The following SNED1 variants were observed in gnomAD, a reference collection of about 807,000 sequenced individuals.
SNED1 encodes the protein sushi, nidogen and EGF like domains 1.
A neutral mutation model predicts 166.7 loss-of-function variants in SNED1; 81 were observed. The observed-to-expected ratio is 0.49, with a 90% CI of 0.41 to 0.58. The LOEUF (loss-of-function observed/expected upper bound fraction) is 0.58, where lower values mean the gene tolerates loss of function less well. Ranked by LOEUF, SNED1 falls within the 20% of genes least tolerant of loss-of-function variation. The pLI is 0.00. For missense variants in SNED1, 1,604 were observed against 2,000.2 expected, an observed-to-expected ratio of 0.80 and a Z score of 3.78; for synonymous variants, 762 against 822.0, an observed-to-expected ratio of 0.93 and a Z score of 1.25.
In SNED1 at chr2:241,036,871, C is replaced by G. The variant is rs772334071; in HGVS notation, c.887C>G (p.Thr296Ser). The G allele has an allele frequency of 1.2e-6, 2 of 1,611,886 alleles. No individual in the cohort carries two copies. Among genetic ancestry groups the G allele is most frequent in the East Asian group, 4.5e-5 (2 of 44,846 alleles). The change falls in exon 5 of 32, where the codon ACC (threonine) becomes AGC (serine). Residue 296 changes from threonine to serine, a missense_variant. Physicochemically the swap from Thr to Ser is moderately conservative, Grantham distance 58. Coordinates refer to ENST00000310397, the MANE Select transcript of SNED1 (RefSeq NM_001080437.3). The part of the protein sequence containing the change: ...DDCVTGNPSY[T>S]CSCLSGFTGR... ...TGCGTCACGGGCAACCCCTCCTACA[C>G]CTGCTCCTGCCTCTCGGGCTTCACG...
Position 240,999,776 on chromosome 2 carries a change from C to T in SNED1, c.213+726C>T, listed in dbSNP as rs1209386587. On this transcript the variant is annotated intron_variant, in intron 1 of 31. Coordinates refer to ENST00000310397, the MANE Select transcript of SNED1 (RefSeq NM_001080437.3). This position sits in a 1 kb window ranked among gnomAD's most constrained non-coding sequence, Gnocchi z 5.8. The stretch of plus-strand genomic sequence containing the variant: ...TGTCTCCATGGCTCCCAGAGTGTGA[C>T]CCCAGGCCAAGCCCTTATGGCAGCC... Among the ~76,000 whole-genome samples, 1 of 152,164 alleles carries T rather than the reference C, an allele frequency of 6.6e-6. No homozygotes were observed. Among genetic ancestry groups the T allele is most frequent in the African/African-American group, 2.4e-5 (1 of 41,432 alleles).
rs115977163 is a variant in SNED1, at chr2:241,000,138, C to A, written c.213+1088C>A. Among the ~76,000 whole-genome samples, 1,007 of 152,268 alleles carry A rather than the reference C, an allele frequency of 6.6e-3. 7 individuals carry two copies. The highest frequency in any genetic ancestry group is 0.021 in the African/African-American group (860 of 41,538). On this transcript the variant is annotated intron_variant, in intron 1 of 31. Coordinates refer to ENST00000310397, the MANE Select transcript of SNED1 (RefSeq NM_001080437.3). The stretch of plus-strand genomic sequence containing the variant: ...GCACTGCCTCCACCACCACCTTCCC[C>A]ATGGTCCCCAGCTTCCCGTCGTCAC...
chr2:241,070,038 C>G lies in SNED1; in HGVS notation c.3426C>G (p.Thr1142=). The change falls in exon 24 of 32, where the codon ACC becomes ACG. Residue 1142 remains threonine (T), a synonymous_variant. Transcript: ENST00000310397. ...AGGCTTATGTCATCAATGTGACCAC[C>G]AGCCAGAGCACCAAGAGCCGCTATG... is the stretch of plus-strand genomic sequence containing the variant. The part of the protein sequence containing the change: ...LLEAYVINVT[T]SQSTKSRYVP... 1 of 1,613,040 alleles carries G rather than the reference C, an allele frequency of 6.2e-7. No homozygotes were observed. Among genetic ancestry groups the G allele is most frequent in the Non-Finnish European group, 8.5e-7 (1 of 1,179,896 alleles).
Position 241,090,462 on chromosome 2 carries a change from T to C in SNED1, c.*2-1176T>C, listed in dbSNP as rs1035109720. ...GAAGGAGTACACTCTAAAATAATGA[T>C]GAAGAGTATAGTAAATACGTAAACC... is the stretch of plus-strand genomic sequence containing the variant. On this transcript the variant is annotated intron_variant, in intron 31 of 31. Coordinates refer to ENST00000310397, the MANE Select transcript of SNED1 (RefSeq NM_001080437.3). 1.4e-5 allele frequency: 21 copies of C among 1,532,302 alleles called. No homozygotes were observed. In the East Asian group the frequency reaches 5.2e-4, roughly 38 times the overall value. The allele number at this position is 1,532,302 out of a possible 1,614,324, so 94.9% of individuals were successfully genotyped here.
rs2125102433 is a variant in SNED1 at position 241,051,520 on chromosome 2, A to C, written c.1736-224A>C. Reference sequence around the variant, plus strand: ...TGGGCAGAAAAGAGGACAGGCAAGCAAAGGGCCCACCTGTGACTGAGTTGG... The same window carrying C: ...TGGGCAGAAAAGAGGACAGGCAAGCCAAGGGCCCACCTGTGACTGAGTTGG... On this transcript the variant is annotated intron_variant, in intron 12 of 31. Transcript: ENST00000310397. The surrounding 1 kb of genome is among the most constrained non-coding windows in gnomAD (Gnocchi z 4.7). 1 of 421,352 alleles carries C rather than the reference A, an allele frequency of 2.4e-6. No individual in the cohort carries two copies. The allele number at this position is 421,352 out of a possible 1,614,324, so 26.1% of individuals were successfully genotyped here.
At chr2:241,087,803 G>A (rs1251918854) in intron 30 of SNED1, 2 of 793,822 alleles carry the variant, frequency 2.5e-6, no homozygotes, top group Non-Finnish European at 3.5e-6. Flanking sequence ...CCGATATAGC[G>A]CGTCGCTCTT....
intron 8 of SNED1, among the ~76,000 whole-genome samples, chr2:241,043,923 T>A (rs1271190000): frequency 6.6e-6 from 1 of 152,144 alleles, no homozygotes; most frequent in South Asian, 2.1e-4. Context: ...CCAACTCCAA[T>A]GTAAAAGATA....
At position 241,051,959 on chromosome 2, in the gene SNED1, C is replaced by T; in HGVS notation, c.1853-82C>T. On this transcript the variant is annotated intron_variant, in intron 13 of 31. Transcript: ENST00000310397. The surrounding 1 kb of genome is among the most constrained non-coding windows in gnomAD (Gnocchi z 4.7). ...CCCTGCCAGCTGTGGGTCTGCTTCT[C>T]ATGAAGAGGCCCCAGCTCTGGGATG... The T allele has an allele frequency of 6.7e-7, 1 of 1,490,194 alleles. No individual in the cohort carries two copies. The highest frequency in any genetic ancestry group is 1.9e-5 in the Admixed American group (1 of 52,480). 92.3% of individuals were successfully genotyped at this position (1,490,194 alleles called of 1,614,324 possible). A position where few individuals can be genotyped will look rare whatever the true frequency, so the allele number is the denominator to read the frequency against.
chr2:241,091,463 G>A lies in SNED1; in HGVS notation c.*2-175G>A, dbSNP rs1459101819. 1.3e-5 allele frequency among the ~76,000 whole-genome samples: 2 copies of A among 152,000 alleles called. No individual in the cohort carries two copies. Among genetic ancestry groups the A allele is most frequent in the South Asian group, 2.1e-4 (1 of 4,794 alleles). ...TAGAATCCTGGTGCTCTAAGAACGC[G>A]GGGTCCTCCCCGTGTGCACTGCCAT... On this transcript the variant is annotated intron_variant, in intron 31 of 31. Coordinates refer to ENST00000310397, the MANE Select transcript of SNED1 (RefSeq NM_001080437.3). This position sits in a 1 kb window ranked among gnomAD's most constrained non-coding sequence, Gnocchi z 4.1.
At chr2:241,057,439 A>ATCCCAGCACTT (rs201222519) in intron 16 of SNED1, among the ~76,000 whole-genome samples, 4,082 of 142,648 alleles carry the variant, frequency 0.029, 308 homozygotes, top group East Asian at 0.19. Flanking sequence ...CACACATATA[A>ATCCCAGCACTT]TGGGAGGTCA....
chr2:241,034,620 G>A lies in SNED1; in HGVS notation c.695G>A (p.Arg232His), dbSNP rs773768673. ...GQRYFSIPGSRTADMAEVETT... is the reference protein window; with the variant it reads ...GQRYFSIPGSHTADMAEVETT... ...CGTTACTTCAGTATCCCCGGCTCGCGCACAGCAGACATGGCCGAGGTGGAG... is the reference window on the plus strand; with the variant it reads ...CGTTACTTCAGTATCCCCGGCTCGCACACAGCAGACATGGCCGAGGTGGAG... The change falls in exon 4 of 32, where the codon CGC becomes CAC. Residue 232 changes from arginine to histidine, a missense_variant. Physicochemically the swap from Arg to His is conservative, Grantham distance 29. This residue lies in a region of SNED1 where 1,237 missense variants were observed against 1,620.8 expected (regional missense o/e 0.76). Coordinates refer to ENST00000310397, the MANE Select transcript of SNED1 (RefSeq NM_001080437.3). The A allele has an allele frequency of 2.5e-6, 4 of 1,611,500 alleles. No individual in the cohort carries two copies. The highest frequency in any genetic ancestry group is 2.2e-5 in the East Asian group (1 of 44,848).
intron 4 of SNED1, among the ~76,000 whole-genome samples, chr2:241,035,222 A>G (rs1346244319): frequency 6.6e-6 from 1 of 152,104 alleles, no homozygotes; most frequent in Non-Finnish European, 1.5e-5. Context: ...CTTACCACCC[A>G]GGTCCTCATT....
intron 2 of SNED1, 86 bp downstream of exon 2, chr2:241,030,657 T>A (rs1340780238): frequency 1.4e-6 from 2 of 1,385,082 alleles, no homozygotes; most frequent in African/African-American, 2.8e-5. Flanking sequence ...CTTGCTGATG[T>A]GGGTGTGGTG....
intron 31 of SNED1, among the ~76,000 whole-genome samples, chr2:241,090,696 G>T (rs1335005350): frequency 6.6e-6 from 1 of 152,058 alleles, no homozygotes; most frequent in East Asian, 1.9e-4. Flanking sequence ...ATGAAACCCT[G>T]TCTCTACTAA....
intron 8 of SNED1, among the ~76,000 whole-genome samples, chr2:241,044,278 G>T (rs897876203): frequency 3.3e-5 from 5 of 152,162 alleles, no homozygotes; most frequent in African/African-American, 7.2e-5. Context: ...GAATTGAAAA[G>T]CAATACCCAA....
rs201571838 is a variant in SNED1 at position 241,036,014 on chromosome 2, G to C, written c.806-776G>C. 4.6e-5 allele frequency among the ~76,000 whole-genome samples: 5 copies of C among 108,786 alleles called. No homozygotes were observed. The East Asian group carries it at 1.4e-3, about 31-fold the overall frequency. The allele number at this position is 108,786 out of a possible 152,430, so 71.4% of individuals were successfully genotyped here. A position where few individuals can be genotyped will look rare whatever the true frequency, so the allele number is the denominator to read the frequency against. ...AGGCGCGTCACGGGGAGGGGAGTGG[G>C]GGGTGGAGGTGCGTCACGGGGTGGG... is the stretch of plus-strand genomic sequence containing the variant. On this transcript the variant is annotated intron_variant, in intron 4 of 31. Coordinates refer to ENST00000310397, the MANE Select transcript of SNED1 (RefSeq NM_001080437.3).
At chr2:241,003,473 G>T (rs2060132905) in intron 1 of SNED1, among the ~76,000 whole-genome samples, 1 of 152,216 alleles carries the variant, frequency 6.6e-6, no homozygotes, top group Non-Finnish European at 1.5e-5. Flanking sequence ...TTGGCCACCA[G>T]CACATTTCTG....
intron 31 of SNED1, among the ~76,000 whole-genome samples, chr2:241,090,768 G>A (rs1337902671): frequency 6.6e-6 from 1 of 151,846 alleles, no homozygotes; most frequent in East Asian, 1.9e-4. Flanking sequence ...TGAAGAGGCT[G>A]AGTCAGGAAA....
Position 241,052,485 on chromosome 2 carries a change from G to A in SNED1, c.2083+17G>A. 3 of 1,566,054 alleles carry A rather than the reference G, an allele frequency of 1.9e-6. No homozygotes were observed. Among genetic ancestry groups the A allele is most frequent in the Non-Finnish European group, 2.6e-6 (3 of 1,148,766 alleles). On this transcript the variant is annotated intron_variant, in intron 15 of 31. Transcript: ENST00000310397. Reference sequence around the variant, plus strand: ...GCCAGGCAGGTGAGAGGGTCAGGGGGATCAAGCAGGGTACATGGGATACCA... The same window carrying A: ...GCCAGGCAGGTGAGAGGGTCAGGGGAATCAAGCAGGGTACATGGGATACCA...
Sources: allele counts gnomAD v4.1 joint callset (sites outside exome capture counted in the v4.1 genomes callset), GRCh38; gene constraint gnomAD v4.1.1; regional missense constraint gnomAD v4.1.1; non-coding constraint Gnocchi (gnomAD v3.1); transcripts MANE v1.5; gene names NCBI Gene and HGNC (gene_info 2026-07-23, HGNC 2026-07-21).